SORBS3: variants seen among roughly 807,000 people sequenced by gnomAD.
SORBS3 encodes sorbin and SH3 domain containing 3, also known as vinexin.
In SORBS3, 69 loss-of-function variants were observed where a neutral mutation model predicts 98.0. The ratio of observed to expected loss-of-function variants is 0.70; its 90% CI spans 0.58 to 0.86. The LOEUF (loss-of-function observed/expected upper bound fraction) is 0.86, where lower values mean the gene tolerates loss of function less well. Ranked by LOEUF, SORBS3 falls within the 40% of genes least tolerant of loss-of-function variation. SORBS3 has a pLI of 0.00. For synonymous variants in SORBS3, 394 were observed against 355.4 expected (o/e 1.11, Z -1.22); for missense variants, 954 against 908.5 (o/e 1.05, Z -0.64).
Position 22,564,312 on chromosome 8 carries a change from T to C in SORBS3, c.705T>C (p.Asn235=), listed in dbSNP as rs115136468. ...TCAGACGCCGGGAAAAAGTAGACAA[T>C]GTCTGGACGGAAGAGTCCTGGAACC... ...QVLRRREKVD[N]VWTEESWNQF... is the part of the protein sequence containing the mutation. Residue 235 remains asparagine, a synonymous_variant, in exon 9 of 21, where the codon AAT becomes AAC. Coordinates refer to ENST00000240123, the MANE Select transcript of SORBS3 (RefSeq NM_005775.5). The C allele has an allele frequency of 8.7e-4, 1,409 of 1,612,132 alleles. 11 individuals are homozygous for C. In the African/African-American group the frequency reaches 0.017, roughly 20 times the overall value.
At chr8:22,561,824 C>T in intron 6 of SORBS3, 41 bp from the exon 7 acceptor site, 2 of 1,578,964 alleles carry the variant, frequency 1.3e-6, no homozygotes, top group Non-Finnish European at 8.7e-7. Context: ...CGGCCTGTCT[C>T]CTCCCACCTT....
intron 20 of SORBS3, 102 bp downstream of exon 20, chr8:22,572,548 AC>A: frequency 8.8e-6 from 8 of 907,670 alleles, no homozygotes; most frequent in Non-Finnish European, 1.4e-5. Flanking sequence ...ATGGCCGACC[AC>A]CCCCCGACTC....
At chr8:22,560,652 T>A (rs1000246479) in intron 5 of SORBS3, among the ~76,000 whole-genome samples, 1 of 151,976 alleles carries the variant, frequency 6.6e-6, no homozygotes, top group African/African-American at 2.4e-5. Flanking sequence ...TGGGCAGTGG[T>A]GAGCAAAAGC....
At chr8:22,566,594 C>G in intron 13 of SORBS3, 67 bp from the exon 14 acceptor site, 3 of 1,578,332 alleles carry the variant, frequency 1.9e-6, no homozygotes, top group Non-Finnish European at 2.6e-6. Context: ...AGTGCCTGCC[C>G]TAGGTGGGGG....
intron 4 of SORBS3, among the ~76,000 whole-genome samples, chr8:22,557,426 G>A (rs1321381539): frequency 1.3e-5 from 2 of 152,190 alleles, no homozygotes; most frequent in African/African-American, 2.4e-5. Flanking sequence ...ATTGGAGCTG[G>A]TAACATTCCC....
upstream of SORBS3, among the ~76,000 whole-genome samples, chr8:22,548,478 C>T (rs771554082): frequency 2.0e-5 from 3 of 152,136 alleles, no homozygotes; most frequent in South Asian, 2.1e-4. Context: ...GTGCTTTCTG[C>T]GCTAACCCCT....
chr8:22,562,898 C>T (rs561473063), intron 7 of SORBS3, among the ~76,000 whole-genome samples: 14 of 152,250 alleles, frequency 9.2e-5, no homozygotes, highest in Admixed American at 3.3e-4. Context: ...GGGCGGATCA[C>T]GAGGTCAGGA....
chr8:22,549,972 C>T (rs1481793907), upstream of SORBS3: 4 of 985,286 alleles, frequency 4.1e-6, no homozygotes, highest in East Asian at 1.1e-4. Flanking sequence ...TTCCTGGAGT[C>T]GGAAGAGCTT....
chr8:22,561,505 T>C (rs753594624), intron 6 of SORBS3, 132 bp downstream of exon 6: 2 of 955,006 alleles, frequency 2.1e-6, no homozygotes, highest in South Asian at 2.8e-5. Flanking sequence ...GAGGTTTTTA[T>C]AGCTCATTTC....
chr8:22,571,842 C>CT, intron 19 of SORBS3, 21 bp downstream of exon 19: 1 of 1,525,386 alleles, frequency 6.6e-7, no homozygotes, highest in Non-Finnish European at 9.1e-7. Flanking sequence ...TCTGAGGGCT[C>CT]TTGATCAGAC....
In SORBS3 at chr8:22,572,220, G is replaced by A. The variant is rs979246941; in HGVS notation, c.1848-120G>A. 94 of 796,962 alleles carry A rather than the reference G, an allele frequency of 1.2e-4. 1 individual carries two copies. The highest frequency in any genetic ancestry group is 1.9e-4 in the Non-Finnish European group (87 of 466,250). 49.4% of individuals were successfully genotyped at this position (796,962 alleles called of 1,614,324 possible). On this transcript the variant is annotated intron_variant, in intron 19 of 20. Coordinates refer to ENST00000240123, the MANE Select transcript of SORBS3 (RefSeq NM_005775.5). The stretch of plus-strand genomic sequence containing the variant: ...GTGAGCACAGGCTGAGTTGCTCTGA[G>A]GAGCTGGATCAGGGGCTAGTGAGAG...
intron 3 of SORBS3, among the ~76,000 whole-genome samples, chr8:22,556,022 A>T (rs1170568913): frequency 6.6e-6 from 1 of 152,228 alleles, no homozygotes; most frequent in African/African-American, 2.4e-5. Context: ...AAGGAACCCC[A>T]TTCGCAGAGA....
Position 22,570,942 on chromosome 8 carries a change from C to T in SORBS3, c.1464C>T (p.Asn488=), listed in dbSNP as rs191905902. The change falls in exon 18 of 21, where the codon AAC becomes AAT. Residue 488 remains asparagine, a synonymous_variant. Coordinates refer to ENST00000240123, the MANE Select transcript of SORBS3 (RefSeq NM_005775.5). ...GEHICLIRKV[N]ENWYEGRITG... ...ACATCTGCCTGATCCGCAAGGTGAA[C>T]GAGAACTGGTACGAGGGACGCATCA... 73 of 1,609,634 alleles carry T rather than the reference C, an allele frequency of 4.5e-5. No individual in the cohort carries two copies. The East Asian group carries it at 8.5e-4, about 19-fold the overall frequency.
Position 22,566,887 on chromosome 8 carries a change from C to A in SORBS3, c.1190+19C>A, listed in dbSNP as rs1044672132. 2.5e-6 allele frequency: 4 copies of A among 1,603,576 alleles called. No individual in the cohort carries two copies. The South Asian group carries it at 4.5e-5, about 18-fold the overall frequency. The stretch of plus-strand genomic sequence containing the variant: ...CCCCCAAGTAAGCGCCCTCCTCCCC[C>A]TCCCCTTCCACCCAAGGCAATCTCT... On this transcript the variant is annotated intron_variant, in intron 15 of 20. Transcript: ENST00000240123.
upstream of SORBS3, among the ~76,000 whole-genome samples, chr8:22,551,242 T>C (rs1409127272): frequency 6.6e-6 from 1 of 152,168 alleles, no homozygotes. The surrounding 1 kb of genome is among the most constrained non-coding windows in gnomAD (Gnocchi z 5.8). Flanking sequence ...ACGTTTGCAG[T>C]GTACGCGCGC....
chr8:22,564,121 C>G (rs768747709), intron 8 of SORBS3, 44 bp downstream of exon 8: 11 of 1,576,568 alleles, frequency 7.0e-6, no homozygotes, highest in African/African-American at 1.3e-5. Flanking sequence ...AGCTGTATGC[C>G]GTATGGCCAA....
rs544800143 is a variant in SORBS3, at chr8:22,575,161, G to T, written c.*433G>T. On this transcript the variant is annotated 3_prime_UTR_variant, in exon 21 of 21. Transcript: ENST00000240123. The stretch of plus-strand genomic sequence containing the variant: ...CCAAAGGCCGCCCCCGCCTGCTGGG[G>T]TTCCTCCCAGCACCCCAGCTTGCTG... 1 of 325,158 alleles carries T rather than the reference G, an allele frequency of 3.1e-6. No individual in the cohort carries two copies. The highest frequency in any genetic ancestry group is 2.2e-5 in the African/African-American group (1 of 45,558). 20.1% of individuals were successfully genotyped at this position (325,158 alleles called of 1,614,324 possible).
At chr8:22,573,890 G>C (rs1840654932) in intron 20 of SORBS3, among the ~76,000 whole-genome samples, 1 of 152,162 alleles carries the variant, frequency 6.6e-6, no homozygotes, top group African/African-American at 2.4e-5. Flanking sequence ...GAACCAGCTG[G>C]GGGGTGTGGG....
At chr8:22,565,197 C>G in intron 10 of SORBS3, 71 bp from the exon 11 acceptor site, 2 of 1,489,574 alleles carry the variant, frequency 1.3e-6, no homozygotes, top group East Asian at 5.0e-5. Context: ...TTTTCACAGT[C>G]GATCTTTGAC....
Sources: allele counts gnomAD v4.1 joint callset (sites outside exome capture counted in the v4.1 genomes callset), GRCh38; gene constraint gnomAD v4.1.1; non-coding constraint Gnocchi (gnomAD v3.1); transcripts MANE v1.5; gene names NCBI Gene and HGNC (gene_info 2026-07-23, HGNC 2026-07-21).